NEDD4L: variants seen among roughly 807,000 people sequenced by gnomAD.
The protein encoded by NEDD4L is E3 ubiquitin-protein ligase NEDD4-like.
A neutral mutation model predicts 148.9 loss-of-function variants in NEDD4L; 54 were observed. That is an observed-to-expected ratio of 0.36 (90% CI 0.29 to 0.45). The LOEUF (loss-of-function observed/expected upper bound fraction) is 0.45. NEDD4L is among the 20% of genes least tolerant of loss of function. NEDD4L has a pLI of 1.00. For synonymous variants in NEDD4L, 433 were observed against 440.7 expected, an observed-to-expected ratio of 0.98 and a Z score of 0.22; for missense variants, 856 against 1,233.8, an observed-to-expected ratio of 0.69 and a Z score of 4.59.
chr18:58,047,345 T>A (rs1195509363), intron 1 of NEDD4L: 1 of 984,898 alleles, frequency 1.0e-6, no homozygotes, highest in Non-Finnish European at 1.2e-6. Flanking sequence ...AAAAGCATGG[T>A]ATGTTTGGAG....
intron 2 of NEDD4L, among the ~76,000 whole-genome samples, chr18:58,228,477 A>G (rs945778102): frequency 2.6e-5 from 4 of 152,268 alleles, no homozygotes; most frequent in Non-Finnish European, 5.9e-5. Flanking sequence ...AGAGCTGGGC[A>G]GACCGTGTAT....
At chr18:58,182,827 C>A (rs1038983542) in intron 2 of NEDD4L, among the ~76,000 whole-genome samples, 11 of 152,220 alleles carry the variant, frequency 7.2e-5, no homozygotes, top group Non-Finnish European at 1.6e-4. Flanking sequence ...GTGTTCTATG[C>A]ACTATGCAGG....
At chr18:58,376,554 C>T (rs76414049) in intron 24 of NEDD4L, among the ~76,000 whole-genome samples, 1,915 of 152,258 alleles carry the variant, frequency 0.013, 42 homozygotes, top group African/African-American at 0.044. Flanking sequence ...TGTTCACACA[C>T]CTCCCAAACC....
intron 1 of NEDD4L, among the ~76,000 whole-genome samples, chr18:58,061,497 T>C (rs1482559260): frequency 9.2e-5 from 14 of 151,914 alleles, no homozygotes; most frequent in African/African-American, 3.4e-4. Flanking sequence ...TTTTTTTTCT[T>C]TCTGTCATGG....
intron 1 of NEDD4L, among the ~76,000 whole-genome samples, chr18:58,048,254 G>A (rs950030014): frequency 1.3e-5 from 2 of 152,174 alleles, no homozygotes; most frequent in African/African-American, 4.8e-5. Context: ...TGGCTTGGGG[G>A]TCTTTCTACT....
chr18:58,390,681 G>C lies in NEDD4L; in HGVS notation c.2691G>C (p.Arg897=). The change falls in exon 29 of 31, where the codon CGG becomes CGC. Residue 897 remains arginine (R), a synonymous_variant. Transcript: ENST00000400345. ...VLLMDAEKRI[R]LLQFVTGTSR... ...TCATGGACGCCGAAAAGCGTATCCGGTTACTGCAGTTTGTCACAGGGACAT... is the reference window on the plus strand; with the variant it reads ...TCATGGACGCCGAAAAGCGTATCCGCTTACTGCAGTTTGTCACAGGGACAT... The C allele has an allele frequency of 6.3e-7, 1 of 1,598,234 alleles. No homozygotes were observed. Among genetic ancestry groups the C allele is most frequent in the Non-Finnish European group, 8.5e-7 (1 of 1,171,620 alleles).
intron 1 of NEDD4L, among the ~76,000 whole-genome samples, chr18:58,096,116 G>A (rs774592447): frequency 1.8e-4 from 28 of 152,012 alleles, no homozygotes; most frequent in Non-Finnish European, 3.1e-4. Context: ...GATGAGCATG[G>A]TTTTCCTCAT....
At chr18:58,048,925 A>G (rs1473462780) in intron 1 of NEDD4L, among the ~76,000 whole-genome samples, 2 of 152,184 alleles carry the variant, frequency 1.3e-5, no homozygotes, top group Non-Finnish European at 2.9e-5. Flanking sequence ...CTTTAAGGCT[A>G]ACCTTTGGCG....
chr18:58,313,430 G>A (rs2057919625), intron 5 of NEDD4L, among the ~76,000 whole-genome samples: 1 of 152,194 alleles, frequency 6.6e-6, no homozygotes, highest in South Asian at 2.1e-4. Flanking sequence ...CATTTTACCA[G>A]AACCCTCTGA....
intron 2 of NEDD4L, among the ~76,000 whole-genome samples, chr18:58,214,635 GTGTGTGTGTT>G (rs2042950494): frequency 1.6e-5 from 2 of 126,290 alleles, no homozygotes; most frequent in South Asian, 5.2e-4. Context: ...GTGTGTGTGT[GTGTGTGTGTT>G]TTGTTGTTGT....
intron 2 of NEDD4L, among the ~76,000 whole-genome samples, chr18:58,220,480 C>T (rs368791493): frequency 6.6e-6 from 1 of 152,132 alleles, no homozygotes; most frequent in South Asian, 2.1e-4. Flanking sequence ...ACCCTGGTGC[C>T]CACTTGCTCC....
rs1237969123 is a variant in NEDD4L, at chr18:58,370,589, A to AGGAG, written c.2256+123_2256+126dup. On this transcript the variant is annotated intron_variant, in intron 23 of 30. Transcript: ENST00000400345. ...GGGTGTTGCATTCCATGTGAACAAC[A>AGGAG]GGAGACATTTAATTGCTTGAAAAGT... 5 of 707,386 alleles carry AGGAG rather than the reference A, an allele frequency of 7.1e-6. No individual in the cohort carries two copies. In the African/African-American group the frequency reaches 8.7e-5, roughly 12 times the overall value. The allele number at this position is 707,386 out of a possible 1,614,324, so 43.8% of individuals were successfully genotyped here.
chr18:58,161,858 G>T (rs942258364), intron 1 of NEDD4L, among the ~76,000 whole-genome samples: 1 of 152,030 alleles, frequency 6.6e-6, no homozygotes, highest in Non-Finnish European at 1.5e-5. Flanking sequence ...GTTTTGAAGA[G>T]GCCTCATACC....
At position 58,256,225 on chromosome 18, in the gene NEDD4L, C is replaced by T; in HGVS notation, c.297+4171C>T. On this transcript the variant is annotated intron_variant, in intron 5 of 30. Transcript: ENST00000400345. The surrounding 1 kb of genome is among the most constrained non-coding windows in gnomAD (Gnocchi z 5.2). The stretch of plus-strand genomic sequence containing the variant: ...CCCCGGGCCTGCGCATCCAGCACCG[C>T]GCCTCCAGCGCCGACGTGCGCCAGG... 1 of 1,225,736 alleles carries T rather than the reference C, an allele frequency of 8.2e-7. No homozygotes were observed. The highest frequency in any genetic ancestry group is 4.1e-5 in the South Asian group (1 of 24,292). 75.9% of individuals were successfully genotyped at this position (1,225,736 alleles called of 1,614,324 possible).
chr18:58,085,038 G>A (rs1203167011), intron 1 of NEDD4L, among the ~76,000 whole-genome samples: 1 of 152,220 alleles, frequency 6.6e-6, no homozygotes, highest in Non-Finnish European at 1.5e-5. Flanking sequence ...GTCTCATTGC[G>A]TGTCCACATT....
At chr18:58,269,377 G>T (rs754040699) in intron 5 of NEDD4L, among the ~76,000 whole-genome samples, 2 of 151,978 alleles carry the variant, frequency 1.3e-5, no homozygotes, top group Non-Finnish European at 2.9e-5. Context: ...CATTCAGAGT[G>T]GTGTTTAAAT....
intron 18 of NEDD4L, among the ~76,000 whole-genome samples, chr18:58,351,377 T>G (rs2043861186): frequency 6.6e-6 from 1 of 152,246 alleles, no homozygotes; most frequent in African/African-American, 2.4e-5. Context: ...AAAATAAGAT[T>G]AGAAATGATG....
At chr18:58,066,387 G>GTTTTGTTTTT (rs2082594331) in intron 1 of NEDD4L, among the ~76,000 whole-genome samples, 1 of 112,106 alleles carries the variant, frequency 8.9e-6, no homozygotes, top group Non-Finnish European at 1.8e-5. Context: ...CTCTGTATTA[G>GTTTTGTTTTT]TTTTTTTTTT....
At chr18:58,123,392 G>C (rs750707099) in intron 1 of NEDD4L, among the ~76,000 whole-genome samples, 1 of 152,086 alleles carries the variant, frequency 6.6e-6, no homozygotes, top group African/African-American at 2.4e-5. Flanking sequence ...TGGAAATCCC[G>C]GGCTTTGCCA....
Sources: gnomAD v4.1 joint callset for allele counts (sites outside exome capture counted in the v4.1 genomes callset) on GRCh38, gnomAD v4.1.1 for gene constraint, Gnocchi (gnomAD v3.1) non-coding constraint, MANE v1.5 for transcripts, NCBI Gene and HGNC (gene_info 2026-07-23, HGNC 2026-07-21) for gene names.